The following PTPRD variants were observed in gnomAD, a reference collection of about 807,000 sequenced individuals.
PTPRD encodes the protein receptor-type tyrosine-protein phosphatase delta.
In PTPRD, 34 loss-of-function variants were observed where a neutral mutation model predicts 214.5. The ratio of observed to expected loss-of-function variants is 0.16; its 90% confidence interval spans 0.12 to 0.21. The LOEUF is 0.21. Among genes scored for constraint, PTPRD ranks in the 10% least tolerant of loss-of-function variants. The pLI is 1.00. For missense variants in PTPRD, 2,545 were observed against 2,398.7 expected, an observed-to-expected ratio of 1.06 and a Z score of -1.27; for synonymous variants, 1,128 against 845.7, an observed-to-expected ratio of 1.33 and a Z score of -5.79.
chr9:10,127,264 T>A (rs2098826925), intron 3 of PTPRD, among the ~76,000 whole-genome samples: 1 of 152,154 alleles, frequency 6.6e-6, no homozygotes, highest in Non-Finnish European at 1.5e-5. Context: ...ATGTCCTGAG[T>A]ATGATTCCTC....
At chr9:9,111,959 G>T (rs2099806753) in intron 10 of PTPRD, among the ~76,000 whole-genome samples, 1 of 152,048 alleles carries the variant, frequency 6.6e-6, no homozygotes, top group Non-Finnish European at 1.5e-5. Context: ...AAAAGAAGGT[G>T]CAAAAATGGG....
At chr9:10,389,641 T>G (rs528768639) in intron 2 of PTPRD, among the ~76,000 whole-genome samples, 1 of 151,998 alleles carries the variant, frequency 6.6e-6, no homozygotes, top group African/African-American at 2.4e-5. Flanking sequence ...TTCAGATGGT[T>G]AAAAGACATA....
At chr9:8,794,351 A>C (rs185793119) in intron 11 of PTPRD, among the ~76,000 whole-genome samples, 100 of 152,316 alleles carry the variant, frequency 6.6e-4, no homozygotes, top group African/African-American at 2.3e-3. Flanking sequence ...AGCCCATTTT[A>C]CATACTGCTG....
intron 2 of PTPRD, among the ~76,000 whole-genome samples, chr9:10,560,661 CA>C: frequency 6.6e-6 from 1 of 152,192 alleles, no homozygotes; most frequent in Non-Finnish European, 1.5e-5. Context: ...ATGCAAAACT[CA>C]AAGAAATATC....
At chr9:10,293,081 T>C (rs981232956) in intron 3 of PTPRD, among the ~76,000 whole-genome samples, 2 of 152,040 alleles carry the variant, frequency 1.3e-5, no homozygotes, top group African/African-American at 4.8e-5. Context: ...TTGATGTCAC[T>C]TTAAATATTA....
chr9:8,683,625 A>T (rs945015113), intron 12 of PTPRD, among the ~76,000 whole-genome samples: 8 of 152,208 alleles, frequency 5.3e-5, no homozygotes, highest in Non-Finnish European at 1.2e-4. Context: ...CCAAAGATGC[A>T]CATATCTCAC....
intron 8 of PTPRD, among the ~76,000 whole-genome samples, chr9:9,493,860 T>C (rs1423798128): frequency 6.7e-6 from 1 of 149,804 alleles, no homozygotes; most frequent in Non-Finnish European, 1.5e-5. Context: ...CTATCATAGA[T>C]AGTAATTTCT....
intron 7 of PTPRD, among the ~76,000 whole-genome samples, chr9:9,628,326 C>T (rs569080855): frequency 6.6e-6 from 1 of 152,272 alleles, no homozygotes; most frequent in South Asian, 2.1e-4. Context: ...CCATATCCTA[C>T]CAGCAGCTCA....
chr9:8,982,437 C>G (rs1429448421), intron 11 of PTPRD, among the ~76,000 whole-genome samples: 1 of 151,812 alleles, frequency 6.6e-6, no homozygotes, highest in Non-Finnish European at 1.5e-5. Context: ...GCGAATGCTT[C>G]CCCAGCAATT....
chr9:8,964,934 T>C lies in PTPRD; in HGVS notation c.-104+53763A>G, dbSNP rs892032522. On this transcript the variant is annotated intron_variant, in intron 11 of 45. Transcript: ENST00000381196. Reference sequence around the variant, plus strand: ...TATGGATGGTATAATTTTGATTTTTTAAAAAGTTTATTGAGACTTGCTTTA... The same window carrying C: ...TATGGATGGTATAATTTTGATTTTTCAAAAAGTTTATTGAGACTTGCTTTA... Among the ~76,000 whole-genome samples the C allele has an allele frequency of 8.5e-5, 13 of 152,256 alleles. No homozygotes were observed. In the South Asian group the frequency reaches 2.5e-3, roughly 29 times the overall value.
chr9:8,640,375 A>C (rs1595865878), intron 12 of PTPRD, among the ~76,000 whole-genome samples: 1 of 152,120 alleles, frequency 6.6e-6, no homozygotes, highest in East Asian at 1.9e-4. Flanking sequence ...AAAGAAAAGA[A>C]AAAGAAATGA....
intron 3 of PTPRD, among the ~76,000 whole-genome samples, chr9:10,059,000 TATAA>T (rs2097708392): frequency 2.0e-5 from 3 of 152,252 alleles, no homozygotes; most frequent in South Asian, 4.1e-4. Context: ...AAATAAAATA[TATAA>T]ATAAATTCAT....
chr9:10,050,459 C>T (rs1470470243), intron 3 of PTPRD, among the ~76,000 whole-genome samples: 1 of 143,078 alleles, frequency 7.0e-6, no homozygotes, highest in African/African-American at 2.6e-5. Flanking sequence ...ACTTGGGAGG[C>T]TGAGGCAGGA....
intron 35 of PTPRD, among the ~76,000 whole-genome samples, chr9:8,419,326 T>A (rs2094190211): frequency 6.6e-6 from 1 of 152,012 alleles, no homozygotes; most frequent in Non-Finnish European, 1.5e-5. Flanking sequence ...AGACAATATG[T>A]TTGAGGTCAT....
chr9:9,496,656 T>G (rs533437435), intron 8 of PTPRD, among the ~76,000 whole-genome samples: 1 of 152,194 alleles, frequency 6.6e-6, no homozygotes, highest in East Asian at 1.9e-4. Context: ...TTGGTGGGAA[T>G]GTAAAATGAT....
chr9:10,511,203 T>G (rs934088289), intron 2 of PTPRD, among the ~76,000 whole-genome samples: 1 of 152,178 alleles, frequency 6.6e-6, no homozygotes, highest in Admixed American at 6.5e-5. Context: ...TACAATTTTT[T>G]GGCAATTATG....
intron 7 of PTPRD, among the ~76,000 whole-genome samples, chr9:9,704,174 T>C (rs2097553342): frequency 6.6e-6 from 1 of 152,200 alleles, no homozygotes; most frequent in African/African-American, 2.4e-5. Flanking sequence ...TGGGTCTCCT[T>C]CAAACTCAAG....
chr9:10,478,059 T>C (rs777754918), intron 2 of PTPRD, among the ~76,000 whole-genome samples: 1 of 151,754 alleles, frequency 6.6e-6, no homozygotes, highest in Non-Finnish European at 1.5e-5. Flanking sequence ...AACAGGTTGA[T>C]AGGTGCAGGA....
intron 35 of PTPRD, among the ~76,000 whole-genome samples, chr9:8,407,288 T>C (rs1431543325): frequency 2.0e-5 from 3 of 152,166 alleles, no homozygotes; most frequent in Non-Finnish European, 2.9e-5. Context: ...ATTTTCACAA[T>C]TGTTACAAGG....
Sources: allele counts gnomAD v4.1 joint callset (sites outside exome capture counted in the v4.1 genomes callset), GRCh38; gene constraint gnomAD v4.1.1; transcripts MANE v1.5; gene names NCBI Gene and HGNC (gene_info 2026-07-23, HGNC 2026-07-21).